Variants in CCNH observed in about 807,000 individuals in gnomAD.
The protein encoded by CCNH is cyclin-H.
In CCNH, 31 loss-of-function variants were observed where a neutral mutation model predicts 41.9. That is an observed-to-expected ratio of 0.74 (90% CI 0.56 to 1.00). The LOEUF (loss-of-function observed/expected upper bound fraction) is 1.00, where lower values mean the gene tolerates loss of function less well. Among genes scored for constraint, CCNH ranks in the 50% least tolerant of loss-of-function variants. The pLI is 0.00. For missense variants in CCNH, 362 were observed against 388.4 expected (o/e 0.93, Z 0.57); for synonymous variants, 138 against 136.1 (o/e 1.01, Z -0.10).
rs3093785 is a variant in CCNH, at chr5:87,411,304, T to C, written c.160A>G (p.Met54Val). The C allele has an allele frequency of 2.3e-3, 3,692 of 1,612,510 alleles. 60 individuals carry two copies. The African/African-American group carries it at 0.041, about 18-fold the overall frequency. The stretch of plus-strand genomic sequence containing the variant: ...TTCTCATAGTATTTGCAGAGTGTCA[T>C]TTCTTCATGAGGCTCAAGAAAGACT... ...DPVFLEPHEE[M>V]TLCKYYEKRL... The change falls in exon 2 of 9, where the codon ATG becomes GTG. Residue 54 changes from methionine (M) to valine (V), a missense_variant. Coordinates refer to ENST00000256897, the MANE Select transcript of CCNH (RefSeq NM_001239.4).
rs189394398 is a variant in CCNH at position 87,324,947 on chromosome 5, T to A, written c.*91-6050A>T. Among the ~76,000 whole-genome samples, 898 of 152,322 alleles carry A rather than the reference T, an allele frequency of 5.9e-3. 8 individuals carry two copies. Among genetic ancestry groups the A allele is most frequent in the Middle Eastern group, 0.02 (6 of 294 alleles). Reference sequence around the variant, plus strand: ...CACTTTAAGAAATCAGTTGCTTTTTTAATTTTTTTATTTTTTTTTAACCTT... The same window carrying A: ...CACTTTAAGAAATCAGTTGCTTTTTAAATTTTTTTATTTTTTTTTAACCTT... On this transcript the variant is annotated intron_variant and NMD_transcript_variant, in intron 9 of 9. Coordinates refer to the CCNH transcript ENST00000645953.
downstream of CCNH, chr5:87,392,927 T>C (rs1026774084): frequency 6.6e-6 from 1 of 152,296 alleles, no homozygotes; most frequent in Non-Finnish European, 1.5e-5. Flanking sequence ...ATGAGACAAA[T>C]TGTGAACATC....
At chr5:87,382,558 ATTC>A (rs915015447) in intron 9 of CCNH, among the ~76,000 whole-genome samples, 11 of 152,294 alleles carry the variant, frequency 7.2e-5, no homozygotes, top group South Asian at 2.1e-4. Context: ...ATTAGTGTGG[ATTC>A]TTCTTAAAAG....
At chr5:87,331,426 A>G (rs763843462) in intron 9 of CCNH, 1 of 1,613,890 alleles carries the variant, frequency 6.2e-7, no homozygotes, top group South Asian at 1.1e-5. Context: ...GTTATCTTAT[A>G]AGAGAGAGTG....
intron 7 of CCNH, among the ~76,000 whole-genome samples, chr5:87,396,401 C>T (rs1762964524): frequency 6.6e-6 from 1 of 152,084 alleles, no homozygotes; most frequent in Admixed American, 6.5e-5. Flanking sequence ...GCGGGCGGAT[C>T]ACGACGTCAG....
At chr5:87,312,859 G>GA in the CCNH span, among the ~76,000 whole-genome samples, 1 of 152,088 alleles carries the variant, frequency 6.6e-6, no homozygotes, top group African/African-American at 2.4e-5. Flanking sequence ...CGCTATCAGA[G>GA]AAAAAAACAG....
chr5:87,404,713 G>T, intron 5 of CCNH, 131 bp downstream of exon 5: 1 of 683,858 alleles, frequency 1.5e-6, no homozygotes. Flanking sequence ...TTCCTCAAAA[G>T]GCAATTTCAT....
At chr5:87,388,107 G>A (rs1388550611), downstream of CCNH, among the ~76,000 whole-genome samples, 1 of 152,106 alleles carries the variant, frequency 6.6e-6, no homozygotes, top group Non-Finnish European at 1.5e-5. Context: ...AGCATCCCCT[G>A]TGTATCTGTG....
rs1764028020 is a variant in CCNH, at chr5:87,409,196, C to T, written c.314+94G>A. 3 of 647,884 alleles carry T rather than the reference C, an allele frequency of 4.6e-6. No individual in the cohort carries two copies. In the East Asian group the frequency reaches 8.5e-5, roughly 18 times the overall value. The allele number at this position is 647,884 out of a possible 1,614,324, so 40.1% of individuals were successfully genotyped here. A position where few individuals can be genotyped will look rare whatever the true frequency, so the allele number is the denominator to read the frequency against. Reference sequence around the variant, plus strand: ...CTGTATTAGGAAGTCAGTTCTCTCTCTCTCTCTCTCACAATTCTCTCCTCC... The same window carrying T: ...CTGTATTAGGAAGTCAGTTCTCTCTTTCTCTCTCTCACAATTCTCTCCTCC... On this transcript the variant is annotated intron_variant, in intron 3 of 8. Coordinates refer to ENST00000256897, the MANE Select transcript of CCNH (RefSeq NM_001239.4).
chr5:87,401,824 A>T (rs768620425), intron 5 of CCNH, 52 bp from the exon 6 acceptor site: 42 of 1,076,270 alleles, frequency 3.9e-5, no homozygotes, highest in Admixed American at 3.0e-4. Flanking sequence ...CACATTGAGA[A>T]AACATGACAT....
chr5:87,361,185 C>T (rs962859330), intron 9 of CCNH, among the ~76,000 whole-genome samples: 4 of 152,288 alleles, frequency 2.6e-5, no homozygotes, highest in African/African-American at 9.6e-5. Context: ...CCACAGACAG[C>T]ATGTTAGGGA....
intron 3 of CCNH, 191 bp downstream of exon 3, chr5:87,409,099 C>G (rs1764019718): frequency 2.7e-6 from 1 of 373,698 alleles, no homozygotes; most frequent in South Asian, 8.1e-5. Flanking sequence ...ATCAGAATTA[C>G]TGAAGTACAG....
intron 9 of CCNH, chr5:87,362,401 T>A: frequency 1.3e-6 from 1 of 747,554 alleles, no homozygotes; most frequent in Non-Finnish European, 2.1e-6. Flanking sequence ...TTCTGAGAAT[T>A]TCTTTGGAAA....
downstream of CCNH, chr5:87,386,770 T>C (rs529262338): frequency 2.3e-4 from 335 of 1,478,664 alleles, 1 homozygote; most frequent in Non-Finnish European, 3.7e-5. Context: ...ACCAACCTAA[T>C]AGATCAAACA....
downstream of CCNH, among the ~76,000 whole-genome samples, chr5:87,317,007 C>T (rs1038100066): frequency 1.3e-5 from 2 of 151,976 alleles, no homozygotes; most frequent in African/African-American, 2.4e-5. Context: ...CTCAGACTCC[C>T]GAGTAGCTGG....
At chr5:87,394,873 A>G (rs1165897752) in intron 8 of CCNH, 171 bp downstream of exon 8, 20 of 1,402,310 alleles carry the variant, frequency 1.4e-5, no homozygotes, top group Non-Finnish European at 1.8e-5. Context: ...AGAAGAGAGA[A>G]AAATCCCTTT....
downstream of CCNH, among the ~76,000 whole-genome samples, chr5:87,372,887 C>T (rs1256882813): frequency 6.6e-6 from 1 of 152,130 alleles, no homozygotes; most frequent in Non-Finnish European, 1.5e-5. Context: ...GAGTGATTAA[C>T]ATACTGTTCT....
intron 6 of CCNH, among the ~76,000 whole-genome samples, chr5:87,401,501 T>C (rs1213684071): frequency 6.6e-6 from 1 of 152,228 alleles, no homozygotes; most frequent in East Asian, 1.9e-4. Flanking sequence ...ATAAGTTCTA[T>C]ATAAATGAAC....
At chr5:87,383,928 CCTTGTG>C in intron 9 of CCNH, 2 of 725,526 alleles carry the variant, frequency 2.8e-6, no homozygotes, top group South Asian at 3.8e-5. Context: ...ACCCTTCCTT[CCTTGTG>C]CTTGTGCTTC....
Sources: gnomAD v4.1 joint callset for allele counts (sites outside exome capture counted in the v4.1 genomes callset) on GRCh38, gnomAD v4.1.1 for gene constraint, MANE v1.5 for transcripts, NCBI Gene and HGNC (gene_info 2026-07-23, HGNC 2026-07-21) for gene names.